BBS2: variants seen among roughly 807,000 people sequenced by gnomAD.
BBS2 encodes the protein Bardet-Biedl syndrome 2, also known as BBSome complex member BBS2.
In BBS2, 62 loss-of-function variants were observed where a neutral mutation model predicts 83.0. The ratio of observed to expected loss-of-function variants is 0.75; its 90% CI spans 0.61 to 0.92. The LOEUF (loss-of-function observed/expected upper bound fraction) is 0.92. BBS2 is among the 40% of genes least tolerant of loss of function. BBS2 has a pLI of 0.00. For missense variants in BBS2, 784 were observed against 901.0 expected (o/e 0.87, Z 1.66); for synonymous variants, 303 against 326.1 (o/e 0.93, Z 0.76).
At position 56,514,559 on chromosome 16, in the gene BBS2, G is replaced by A. The variant is rs1964679008; in HGVS notation, c.239C>T (p.Ala80Val). ...SINQAVSCLT[A>V]GVLNPELGYD... ...GCCAAGCTCAGGGTTCAATACGCCTGCAGTCAGACAGCTGACTGCCTGGTT... is the reference window on the plus strand; with the variant it reads ...GCCAAGCTCAGGGTTCAATACGCCTACAGTCAGACAGCTGACTGCCTGGTT... Residue 80 changes from alanine (A) to valine (V), a missense_variant, in exon 2 of 17, where the codon GCA becomes GTA. Coordinates refer to ENST00000245157, the MANE Select transcript of BBS2 (RefSeq NM_031885.5). 6.2e-7 allele frequency: 1 copy of A among 1,614,036 alleles called. No homozygotes were observed. The highest frequency in any genetic ancestry group is 1.1e-5 in the South Asian group (1 of 91,090).
intron 1 of BBS2, among the ~76,000 whole-genome samples, chr16:56,517,364 C>T (rs1424962367): frequency 2.0e-5 from 3 of 152,210 alleles, no homozygotes; most frequent in Non-Finnish European, 2.9e-5. Flanking sequence ...CCAGCGGCTT[C>T]CTTGTGCTCC....
At chr16:56,504,242 C>T (rs1379136755) in intron 7 of BBS2, among the ~76,000 whole-genome samples, 2 of 152,126 alleles carry the variant, frequency 1.3e-5, no homozygotes, top group African/African-American at 4.8e-5. Flanking sequence ...TTAATGTAGC[C>T]CTCTAACTCA....
chr16:56,487,551 T>A (rs1409296297), intron 15 of BBS2, among the ~76,000 whole-genome samples: 1 of 152,146 alleles, frequency 6.6e-6, no homozygotes, highest in Admixed American at 6.6e-5. Flanking sequence ...ATTGGTAACA[T>A]CCAGTATCTA....
chr16:56,502,581 C>T (rs1172058642), intron 8 of BBS2, 92 bp downstream of exon 8: 2 of 1,609,770 alleles, frequency 1.2e-6, no homozygotes, highest in Admixed American at 1.7e-5. Context: ...TACAGGATCT[C>T]GGTACAAATA....
At chr16:56,508,637 G>A (rs1964491877) in intron 5 of BBS2, among the ~76,000 whole-genome samples, 1 of 148,580 alleles carries the variant, frequency 6.7e-6, no homozygotes, top group Non-Finnish European at 1.5e-5. Flanking sequence ...TCTTAACACT[G>A]TTACTTCTTA....
chr16:56,509,845 T>C lies in BBS2; in HGVS notation c.612+112A>G, dbSNP rs998468772. The C allele has an allele frequency of 1.8e-5, 20 of 1,105,724 alleles. No individual in the cohort carries two copies. The African/African-American group carries it at 2.6e-4, about 14-fold the overall frequency. The allele number at this position is 1,105,724 out of a possible 1,614,324, so 68.5% of individuals were successfully genotyped here. A position where few individuals can be genotyped will look rare whatever the true frequency, so the allele number is the denominator to read the frequency against. On this transcript the variant is annotated intron_variant, in intron 5 of 16. Transcript: ENST00000245157. ...GTCTGACCCCCTCCCCAAGCTTTTATCCTAAAACCACCTGGGTTTGGAGAT... is the reference window on the plus strand; with the variant it reads ...GTCTGACCCCCTCCCCAAGCTTTTACCCTAAAACCACCTGGGTTTGGAGAT...
chr16:56,473,054 C>T (rs1963276070), intron 17 of BBS2, among the ~76,000 whole-genome samples: 1 of 152,152 alleles, frequency 6.6e-6, no homozygotes, highest in African/African-American at 2.4e-5. Context: ...CCTCAGCCTC[C>T]CGAGTAGCTG....
chr16:56,519,710 C>T lies in BBS2; in HGVS notation c.117+36G>A, dbSNP rs768751997. 1.5e-5 allele frequency: 23 copies of T among 1,553,478 alleles called. No individual in the cohort carries two copies. The South Asian group carries it at 2.1e-4, about 14-fold the overall frequency. On this transcript the variant is annotated intron_variant, in intron 1 of 16. Transcript: ENST00000245157. ...CGGCCGGCGGAGATCCTGTGGTTCCCTGGGGCCCGGGCTCCCTGCGGGTGG... is the reference window on the plus strand; with the variant it reads ...CGGCCGGCGGAGATCCTGTGGTTCCTTGGGGCCCGGGCTCCCTGCGGGTGG...
At position 56,514,619 on chromosome 16, in the gene BBS2, C is replaced by G; in HGVS notation, c.179G>C (p.Ser60Thr). The G allele has an allele frequency of 6.2e-7, 1 of 1,614,080 alleles. No homozygotes were observed. Among genetic ancestry groups the G allele is most frequent in the Non-Finnish European group, 8.5e-7 (1 of 1,179,974 alleles). The change falls in exon 2 of 17, where the codon AGC becomes ACC. Residue 60 changes from serine (S) to threonine (T), a missense_variant. Ser to Thr is a moderately conservative substitution (Grantham distance 58). Transcript: ENST00000245157. ...AAGAGAAACATCAGATTCCAGGGGG[C>G]TCTGGAAGACCCTGGATGCACTGAC... ...QHVSASRVFQ[S>T]PLESDVSLLS...
downstream of BBS2, among the ~76,000 whole-genome samples, chr16:56,480,005 G>GA (rs1342797284): frequency 3.3e-5 from 5 of 152,212 alleles, no homozygotes; most frequent in African/African-American, 1.2e-4. Context: ...GACAGGAAGA[G>GA]AACAGCCTTA....
chr16:56,499,987 C>T (rs1266152849), intron 11 of BBS2, 80 bp from the exon 12 acceptor site: 69 of 1,545,906 alleles, frequency 4.5e-5, no homozygotes, highest in African/African-American at 8.2e-5. Context: ...AAAATAAAGC[C>T]ACTTCTGGGT....
At chr16:56,486,709 G>C (rs1284735923) in intron 15 of BBS2, among the ~76,000 whole-genome samples, 3 of 151,330 alleles carry the variant, frequency 2.0e-5, no homozygotes, top group Non-Finnish European at 2.9e-5. Flanking sequence ...GGTTAGAAGA[G>C]GTATTGATAC....
At chr16:56,510,123 C>CA in intron 4 of BBS2, 89 bp from the exon 5 acceptor site, 2 of 1,141,922 alleles carry the variant, frequency 1.8e-6, no homozygotes, top group Non-Finnish European at 2.6e-6. Context: ...CAGTACTTTG[C>CA]ATGCTGCTTC....
At chr16:56,498,648 G>A (rs1359593135) in intron 12 of BBS2, 80 bp from the exon 13 acceptor site, 2 of 1,602,808 alleles carry the variant, frequency 1.2e-6, no homozygotes, top group Non-Finnish European at 1.7e-6. Context: ...TAGATATGAA[G>A]GTACAGCCAT....
chr16:56,501,011 C>T lies in BBS2; in HGVS notation c.1240G>A (p.Ala414Thr), dbSNP rs375585469. The change falls in exon 11 of 17, where the codon GCA becomes ACA. Residue 414 changes from alanine to threonine, a missense_variant. By Grantham distance (58) the Ala-to-Thr change is moderately conservative. Transcript: ENST00000245157. Reference sequence around the variant, plus strand: ...ATTCCTTCTGCAAAAATCAATACTGCTCGGATGATGGTGTCTGCAGGGAAG... The same window carrying T: ...ATTCCTTCTGCAAAAATCAATACTGTTCGGATGATGGTGTCTGCAGGGAAG... ...ISTSNDTIIR[A>T]VLIFAEGIFT... The T allele has an allele frequency of 2.0e-5, 32 of 1,614,008 alleles. No homozygotes were observed. Among genetic ancestry groups the T allele is most frequent in the Non-Finnish European group, 2.7e-5 (32 of 1,180,016 alleles).
intron 15 of BBS2, among the ~76,000 whole-genome samples, chr16:56,490,414 T>C (rs1475908306): frequency 6.6e-6 from 1 of 152,012 alleles, no homozygotes; most frequent in African/African-American, 2.4e-5. Context: ...TCCCAGCACT[T>C]TGGGAGGCCA....
intron 9 of BBS2, 149 bp downstream of exon 9, chr16:56,502,168 C>A: frequency 9.5e-7 from 1 of 1,053,140 alleles, no homozygotes; most frequent in South Asian, 1.3e-5. Flanking sequence ...AATTTCAAGA[C>A]GAAAGCATAT....
intron 2 of BBS2, among the ~76,000 whole-genome samples, chr16:56,512,290 G>A (rs1964600091): frequency 6.6e-6 from 1 of 152,180 alleles, no homozygotes; most frequent in Admixed American, 6.5e-5. Context: ...GTTTCACAGT[G>A]TCATAAAGTT....
At chr16:56,476,294 A>C (rs1314011678) in intron 17 of BBS2, 1 of 1,250,362 alleles carries the variant, frequency 8.0e-7, no homozygotes, top group Non-Finnish European at 1.1e-6. Flanking sequence ...GGAGAACTAC[A>C]TGGTAGCTTG....
Sources: allele counts gnomAD v4.1 joint callset (sites outside exome capture counted in the v4.1 genomes callset), GRCh38; gene constraint gnomAD v4.1.1; transcripts MANE v1.5; gene names NCBI Gene and HGNC (gene_info 2026-07-23, HGNC 2026-07-21).